FBXO42: variants seen among roughly 807,000 people sequenced by gnomAD.
FBXO42 encodes F-box only protein 42.
A neutral mutation model predicts 71.7 loss-of-function variants in FBXO42; 12 were observed. The observed-to-expected ratio is 0.17, with a 90% CI of 0.11 to 0.27. The LOEUF (loss-of-function observed/expected upper bound fraction) is 0.27. Among genes scored for constraint, FBXO42 ranks in the 10% least tolerant of loss-of-function variants. The probability of loss-of-function intolerance (pLI) is 1.00; values close to 1 mark genes in which losing one functional copy is unlikely to be tolerated. For synonymous variants in FBXO42, 325 were observed against 327.5 expected (o/e 0.99, Z 0.08); for missense variants, 707 against 911.9 (o/e 0.78, Z 2.89).
At chr1:16,308,120 A>C (rs891637331) in intron 2 of FBXO42, among the ~76,000 whole-genome samples, 3 of 152,192 alleles carry the variant, frequency 2.0e-5, no homozygotes, top group African/African-American at 7.2e-5. Flanking sequence ...TAGAGAGCCA[A>C]GAAATAGACC....
At chr1:16,279,850 T>TTTTCTTTTTTTC (rs2100496948) in intron 4 of FBXO42, among the ~76,000 whole-genome samples, 1 of 87,946 alleles carries the variant, frequency 1.1e-5, no homozygotes, top group African/African-American at 4.7e-5. Context: ...ATGGTTTTTT[T>TTTTCTTTTTTTC]TTTCTTTTTT....
At chr1:16,320,051 C>A (rs1356476102) in intron 1 of FBXO42, among the ~76,000 whole-genome samples, 3 of 151,904 alleles carry the variant, frequency 2.0e-5, no homozygotes, top group African/African-American at 4.8e-5. Context: ...CATTTCCAGC[C>A]CAAATTCCTA....
chr1:16,286,748 T>C (rs1231858435), intron 4 of FBXO42, among the ~76,000 whole-genome samples: 2 of 152,200 alleles, frequency 1.3e-5, no homozygotes, highest in African/African-American at 4.8e-5. Flanking sequence ...TCATCTCTCC[T>C]GCCCCTTGCC....
intron 1 of FBXO42, among the ~76,000 whole-genome samples, chr1:16,322,436 C>T (rs902958592): frequency 5.3e-5 from 8 of 152,102 alleles, no homozygotes; most frequent in Admixed American, 3.9e-4. Context: ...ATTAGCTGGG[C>T]GTGCAGGCGC....
intron 4 of FBXO42, among the ~76,000 whole-genome samples, chr1:16,269,103 C>G (rs894895964): frequency 1.8e-4 from 9 of 49,712 alleles, no homozygotes; most frequent in African/African-American, 8.7e-4. Flanking sequence ...GCCACCGCAC[C>G]TGGCTTTTTT....
chr1:16,338,007 C>A (rs2082568530), intron 1 of FBXO42, among the ~76,000 whole-genome samples: 2 of 151,116 alleles, frequency 1.3e-5, no homozygotes, highest in South Asian at 4.2e-4. Flanking sequence ...CACCTGTAAT[C>A]CCAGCACTTT....
intron 4 of FBXO42, 110 bp from the exon 5 acceptor site, chr1:16,256,869 T>C (rs910400789): frequency 1.8e-6 from 2 of 1,129,962 alleles, no homozygotes; most frequent in East Asian, 2.5e-5. Context: ...GGGGAACTAA[T>C]ACTACAAAGT....
At chr1:16,311,676 C>T (rs1232560120) in intron 2 of FBXO42, among the ~76,000 whole-genome samples, 1 of 151,944 alleles carries the variant, frequency 6.6e-6, no homozygotes, top group Non-Finnish European at 1.5e-5. Flanking sequence ...GATACCACTA[C>T]ACATCTATGA....
chr1:16,250,951 G>A lies in FBXO42; in HGVS notation c.1873C>T (p.Pro625Ser), dbSNP rs768038091. The change falls in exon 10 of 10, where the codon CCT (proline) becomes TCT (serine). Residue 625 changes from proline to serine, a missense_variant. Coordinates refer to ENST00000375592, the MANE Select transcript of FBXO42 (RefSeq NM_018994.3). This position sits in a 1 kb window ranked among gnomAD's most constrained non-coding sequence, Gnocchi z 4.7. Reference sequence around the variant, plus strand: ...TTGCCAACATTTAGGGACTGTGGAGGGTGGTGGCCCAGGCGGCGAGCAATG... The same window carrying A: ...TTGCCAACATTTAGGGACTGTGGAGAGTGGTGGCCCAGGCGGCGAGCAATG... The part of the protein sequence containing the change: ...PPIARRLGHH[P>S]PQSLNVGKPL... The A allele has an allele frequency of 6.2e-7, 1 of 1,614,098 alleles. No homozygotes were observed. The highest frequency in any genetic ancestry group is 8.5e-7 in the Non-Finnish European group (1 of 1,180,052).
chr1:16,331,782 G>A (rs1474137986), intron 1 of FBXO42, among the ~76,000 whole-genome samples: 2 of 151,968 alleles, frequency 1.3e-5, no homozygotes, highest in Non-Finnish European at 1.5e-5. Flanking sequence ...CAGGCGCGGT[G>A]GCTCATGCCT....
At chr1:16,345,355 G>A (rs181992662) in intron 1 of FBXO42, among the ~76,000 whole-genome samples, 88 of 151,722 alleles carry the variant, frequency 5.8e-4, no homozygotes, top group African/African-American at 1.8e-3. Context: ...CCCAGGAGGC[G>A]GAGGTTGCAG....
intron 1 of FBXO42, among the ~76,000 whole-genome samples, chr1:16,332,189 G>A (rs1267614384): frequency 6.6e-6 from 1 of 152,168 alleles, no homozygotes; most frequent in Non-Finnish European, 1.5e-5. Context: ...AAAAACAAGT[G>A]AAATAAAAAT....
chr1:16,283,228 C>T (rs1300035143), intron 4 of FBXO42, among the ~76,000 whole-genome samples: 1 of 152,018 alleles, frequency 6.6e-6, no homozygotes, highest in Non-Finnish European at 1.5e-5. Flanking sequence ...AGTAGCAAGG[C>T]CAAGAACAGG....
At chr1:16,318,874 A>C (rs1569917416) in intron 1 of FBXO42, among the ~76,000 whole-genome samples, 1 of 152,204 alleles carries the variant, frequency 6.6e-6, no homozygotes, top group East Asian at 1.9e-4. Flanking sequence ...GCAAGGCTCT[A>C]AATCACTGCT....
At chr1:16,286,672 T>C (rs1277401527) in intron 4 of FBXO42, among the ~76,000 whole-genome samples, 1 of 152,186 alleles carries the variant, frequency 6.6e-6, no homozygotes. Flanking sequence ...GAACTCCATA[T>C]ACATATATCT....
At chr1:16,322,879 TAGAA>T (rs939723139) in intron 1 of FBXO42, among the ~76,000 whole-genome samples, 27 of 152,312 alleles carry the variant, frequency 1.8e-4, no homozygotes, top group African/African-American at 6.3e-4. Flanking sequence ...ATCCGTAACC[TAGAA>T]AGAATCAACT....
chr1:16,305,403 A>T (rs946043558), intron 3 of FBXO42, among the ~76,000 whole-genome samples: 4 of 152,190 alleles, frequency 2.6e-5, no homozygotes, highest in Non-Finnish European at 5.9e-5. Context: ...AAATAAATAA[A>T]TAATTAAAAG....
intron 4 of FBXO42, among the ~76,000 whole-genome samples, chr1:16,270,935 C>T (rs1465957159): frequency 6.6e-6 from 1 of 150,992 alleles, no homozygotes; most frequent in Non-Finnish European, 1.5e-5. Flanking sequence ...GTGATAAGTG[C>T]CAAGGGGGGA....
intron 1 of FBXO42, among the ~76,000 whole-genome samples, chr1:16,350,752 A>AGACAAG (rs1482029191): frequency 4.6e-5 from 6 of 131,560 alleles, no homozygotes; most frequent in Non-Finnish European, 8.6e-5. Context: ...GCAAAAAAAA[A>AGACAAG]AAAAAAAAGA....
Sources: gnomAD v4.1 joint callset for allele counts (sites outside exome capture counted in the v4.1 genomes callset) on GRCh38, gnomAD v4.1.1 for gene constraint, Gnocchi (gnomAD v3.1) non-coding constraint, MANE v1.5 for transcripts, NCBI Gene and HGNC (gene_info 2026-07-23, HGNC 2026-07-21) for gene names.